KCNH5: variants seen among roughly 807,000 people sequenced by gnomAD.
KCNH5 encodes the protein potassium voltage-gated channel subfamily H member 5, also known as voltage-gated delayed rectifier potassium channel KCNH5.
A neutral mutation model predicts 96.1 loss-of-function variants in KCNH5; 46 were observed. The observed-to-expected ratio is 0.48, with a 90% CI of 0.38 to 0.61. The LOEUF (loss-of-function observed/expected upper bound fraction) is 0.61, where lower values mean the gene tolerates loss of function less well. Ranked by LOEUF, KCNH5 falls within the 20% of genes least tolerant of loss-of-function variation. KCNH5 has a pLI of 0.00. For missense variants in KCNH5, 907 were observed against 1,225.8 expected, an observed-to-expected ratio of 0.74 and a Z score of 3.88; for synonymous variants, 439 against 449.8, an observed-to-expected ratio of 0.98 and a Z score of 0.30.
chr14:63,043,551 T>C (rs1042769706), intron 1 of KCNH5, among the ~76,000 whole-genome samples: 2 of 152,176 alleles, frequency 1.3e-5, no homozygotes, highest in African/African-American at 4.8e-5. Context: ...TTTATATAAC[T>C]AAAAAATATA....
At chr14:62,949,814 TTTTG>T in intron 7 of KCNH5, 1 of 191,764 alleles carries the variant, frequency 5.2e-6, no homozygotes, top group Admixed American at 5.6e-5. Context: ...TTTTTTTTTT[TTTTG>T]GAATTTAACA....
intron 8 of KCNH5, among the ~76,000 whole-genome samples, chr14:62,839,442 T>G (rs912746415): frequency 1.3e-5 from 2 of 152,180 alleles, no homozygotes; most frequent in Admixed American, 1.3e-4. Flanking sequence ...CCCTGCAGAC[T>G]CCCCTGTGCC....
chr14:62,925,387 A>G (rs1319516281), intron 7 of KCNH5, among the ~76,000 whole-genome samples: 1 of 152,064 alleles, frequency 6.6e-6, no homozygotes, highest in Non-Finnish European at 1.5e-5. Context: ...TGTAGCTTGC[A>G]TATTTAACTC....
chr14:62,960,588 A>T lies in KCNH5; in HGVS notation c.943-10029T>A, dbSNP rs192659236. ...CAGTAATAAGCTCTGTTTCATAAGC[A>T]TTGGGCCCTTATTCTAAATAGATTT... On this transcript the variant is annotated intron_variant, in intron 6 of 10. Transcript: ENST00000322893. Among the ~76,000 whole-genome samples the T allele has an allele frequency of 2.6e-5, 4 of 152,258 alleles. No homozygotes were observed. The East Asian group carries it at 7.7e-4, about 29-fold the overall frequency.
intron 10 of KCNH5, among the ~76,000 whole-genome samples, chr14:62,722,232 T>C (rs904079111): frequency 2.6e-5 from 4 of 152,192 alleles, no homozygotes; most frequent in East Asian, 1.9e-4. Flanking sequence ...TTAGACCACA[T>C]TGTCTTTGAA....
intron 7 of KCNH5, among the ~76,000 whole-genome samples, chr14:62,945,843 T>C (rs1355764927): frequency 1.3e-5 from 2 of 151,910 alleles, no homozygotes; most frequent in Non-Finnish European, 2.9e-5. Flanking sequence ...GAAAATGAGA[T>C]GGTGAGCATG....
At chr14:62,854,020 A>AC (rs1491350038) in intron 7 of KCNH5, among the ~76,000 whole-genome samples, 3 of 109,270 alleles carry the variant, frequency 2.7e-5, no homozygotes, top group African/African-American at 1.1e-4. Flanking sequence ...AAAAAAAAAC[A>AC]AAAAAAACAA....
chr14:62,828,933 T>C (rs243157), intron 8 of KCNH5, among the ~76,000 whole-genome samples: 62,102 of 151,974 alleles, frequency 0.41, 13,079 homozygotes, highest in South Asian at 0.6. Context: ...ACTGCCAAGA[T>C]ACAATAAGGA....
intron 7 of KCNH5, among the ~76,000 whole-genome samples, chr14:62,931,873 G>A (rs1889587343): frequency 6.6e-6 from 1 of 152,064 alleles, no homozygotes; most frequent in Admixed American, 6.6e-5. Context: ...CAGAAAGTAG[G>A]GGTTTCACAC....
At chr14:62,814,598 C>G (rs904039350) in intron 8 of KCNH5, among the ~76,000 whole-genome samples, 1 of 151,686 alleles carries the variant, frequency 6.6e-6, no homozygotes, top group Admixed American at 6.6e-5. Flanking sequence ...GCCTGGCCAA[C>G]ATGGCAAAAC....
intron 4 of KCNH5, among the ~76,000 whole-genome samples, chr14:62,999,769 C>A (rs1310373115): frequency 6.9e-6 from 1 of 145,532 alleles, no homozygotes; most frequent in East Asian, 2.1e-4. Flanking sequence ...TGCTAAATGA[C>A]GAGTTAATGG....
chr14:62,764,853 T>A (rs930081934), intron 10 of KCNH5, among the ~76,000 whole-genome samples: 2 of 151,884 alleles, frequency 1.3e-5, no homozygotes, highest in African/African-American at 4.9e-5. Context: ...TACAAAACAC[T>A]GTTGAAAGAA....
rs182459011 is a variant in KCNH5 at position 62,736,066 on chromosome 14, C to T, written c.2020-27611G>A. On this transcript the variant is annotated intron_variant, in intron 10 of 10. Coordinates refer to ENST00000322893, the MANE Select transcript of KCNH5 (RefSeq NM_139318.5). ...GCTTTAAGGCTCTAGATTTGTGAGT[C>T]GATAAATTGCTGTTTGTTTTGGTGC... is the stretch of plus-strand genomic sequence containing the variant. Among the ~76,000 whole-genome samples the T allele has an allele frequency of 1.1e-4, 17 of 152,226 alleles. No individual in the cohort carries two copies. The East Asian group carries it at 2.9e-3, about 26-fold the overall frequency.
At chr14:62,917,571 AT>A (rs1448353151) in intron 7 of KCNH5, among the ~76,000 whole-genome samples, 1 of 152,170 alleles carries the variant, frequency 6.6e-6, no homozygotes, top group Non-Finnish European at 1.5e-5. Flanking sequence ...ACCCTTTCTA[AT>A]TGTACATGTA....
chr14:62,925,588 C>T (rs748370457), intron 7 of KCNH5, among the ~76,000 whole-genome samples: 1 of 152,000 alleles, frequency 6.6e-6, no homozygotes, highest in Non-Finnish European at 1.5e-5. Flanking sequence ...CAGGTAAAGA[C>T]AGAAAAATAA....
intron 6 of KCNH5, among the ~76,000 whole-genome samples, chr14:62,968,425 A>G (rs911480150): frequency 5.9e-5 from 9 of 152,170 alleles, no homozygotes; most frequent in Admixed American, 5.2e-4. Context: ...GGGAGATCAC[A>G]GCTTGGAGGC....
chr14:62,910,941 A>ACACACACACACACACACAC (rs61033705), intron 7 of KCNH5, among the ~76,000 whole-genome samples: 20 of 140,778 alleles, frequency 1.4e-4, no homozygotes, highest in African/African-American at 4.8e-4. Flanking sequence ...ACACACACAC[A>ACACACACACACACACACAC]CCCCTCTGTT....
At chr14:63,018,709 T>A (rs1365148111) in intron 1 of KCNH5, among the ~76,000 whole-genome samples, 1 of 152,080 alleles carries the variant, frequency 6.6e-6, no homozygotes, top group African/African-American at 2.4e-5. Context: ...ATCAAGGTCA[T>A]CCATCAGTAA....
intron 7 of KCNH5, among the ~76,000 whole-genome samples, chr14:62,945,142 T>C (rs1418943528): frequency 6.6e-6 from 1 of 152,146 alleles, no homozygotes; most frequent in Admixed American, 6.6e-5. Flanking sequence ...CAACTGAATA[T>C]ACGTGAAAAT....
Sources: allele counts gnomAD v4.1 joint callset (sites outside exome capture counted in the v4.1 genomes callset), GRCh38; gene constraint gnomAD v4.1.1; transcripts MANE v1.5; gene names NCBI Gene and HGNC (gene_info 2026-07-23, HGNC 2026-07-21).